KPNA6: variants seen among roughly 807,000 people sequenced by gnomAD.
KPNA6 encodes the protein karyopherin subunit alpha 6.
KPNA6 carries 9 observed loss-of-function variants against 72.0 expected under a neutral mutation model. The observed-to-expected ratio is 0.13, with a 90% confidence interval of 0.08 to 0.22. The LOEUF is 0.22. Ranked by LOEUF, KPNA6 falls within the 10% of genes least tolerant of loss-of-function variation. KPNA6 has a pLI of 1.00. For synonymous variants in KPNA6, 219 were observed against 242.1 expected (o/e 0.90, Z 0.89); for missense variants, 374 against 655.7 (o/e 0.57, Z 4.69).
At position 32,170,987 on chromosome 1, in the gene KPNA6, C is replaced by T; in HGVS notation, c.*93C>T. On this transcript the variant is annotated 3_prime_UTR_variant, in exon 14 of 14. Transcript: ENST00000373625. ...GGCGGGAAACCAGTGTCCCCACCAT[C>T]AGCCACCACACACCTCTGCTGCCCT... is the stretch of plus-strand genomic sequence containing the variant. The T allele has an allele frequency of 9.1e-7, 1 of 1,094,604 alleles. No individual in the cohort carries two copies. The highest frequency in any genetic ancestry group is 1.4e-6 in the Non-Finnish European group (1 of 735,920). The allele number at this position is 1,094,604 out of a possible 1,614,324, so 67.8% of individuals were successfully genotyped here. A position where few individuals can be genotyped will look rare whatever the true frequency, so the allele number is the denominator to read the frequency against.
Position 32,161,353 on chromosome 1 carries a change from C to T in KPNA6, c.648-594C>T, listed in dbSNP as rs185091548. Among the ~76,000 whole-genome samples the T allele has an allele frequency of 9.7e-4, 148 of 152,274 alleles. 1 individual carries two copies. The highest frequency in any genetic ancestry group is 3.3e-3 in the African/African-American group (138 of 41,556). On this transcript the variant is annotated intron_variant, in intron 7 of 13. Coordinates refer to ENST00000373625, the MANE Select transcript of KPNA6 (RefSeq NM_012316.5). ...GTTATGGGGTTTTGCATACATACATCGGACAGCTCTGTCGTAAATTATAGA... is the reference window on the plus strand; with the variant it reads ...GTTATGGGGTTTTGCATACATACATTGGACAGCTCTGTCGTAAATTATAGA...
intron 1 of KPNA6, among the ~76,000 whole-genome samples, chr1:32,148,260 A>G (rs973886014): frequency 6.6e-6 from 1 of 150,676 alleles, no homozygotes; most frequent in Non-Finnish European, 1.5e-5. Flanking sequence ...GCGTTCCACC[A>G]TGCCTGGCTA....
At chr1:32,157,500 T>C in intron 4 of KPNA6, 55 bp downstream of exon 4, 1 of 1,268,364 alleles carries the variant, frequency 7.9e-7, no homozygotes, top group South Asian at 1.2e-5. Flanking sequence ...CTCTTTTCTC[T>C]TCACTGATGT....
intron 1 of KPNA6, among the ~76,000 whole-genome samples, chr1:32,124,449 G>A (rs1324881833): frequency 6.6e-6 from 1 of 151,766 alleles, no homozygotes; most frequent in African/African-American, 2.4e-5. Flanking sequence ...GCCAAGGCGG[G>A]AGGATTGCTT....
intron 1 of KPNA6, among the ~76,000 whole-genome samples, chr1:32,143,473 T>C (rs1641875361): frequency 6.7e-6 from 1 of 149,930 alleles, no homozygotes; most frequent in Admixed American, 6.7e-5. Flanking sequence ...TAATCCCCAC[T>C]ACTTGAGGAG....
intron 1 of KPNA6, among the ~76,000 whole-genome samples, chr1:32,142,331 A>G (rs891629879): frequency 6.6e-6 from 1 of 150,756 alleles, no homozygotes; most frequent in African/African-American, 2.4e-5. Flanking sequence ...TGGCTTCTAT[A>G]TAGCTGTCTT....
chr1:32,116,666 T>C (rs1641334426), intron 1 of KPNA6, among the ~76,000 whole-genome samples: 1 of 152,062 alleles, frequency 6.6e-6, no homozygotes, highest in Admixed American at 6.6e-5. Flanking sequence ...AAAAGAACTT[T>C]TCCTTTGCAT....
At chr1:32,135,773 G>A (rs1641723897) in intron 1 of KPNA6, among the ~76,000 whole-genome samples, 1 of 150,760 alleles carries the variant, frequency 6.6e-6, no homozygotes, top group East Asian at 1.9e-4. Context: ...TGGCCATAGA[G>A]TTATGGGGTT....
chr1:32,112,063 T>G (rs970311743), intron 1 of KPNA6, among the ~76,000 whole-genome samples: 3 of 152,236 alleles, frequency 2.0e-5, no homozygotes, highest in African/African-American at 7.2e-5. Flanking sequence ...AGTGATTGAT[T>G]TAGGCATGGG....
At chr1:32,121,620 A>C (rs1472682963) in intron 1 of KPNA6, among the ~76,000 whole-genome samples, 1 of 152,204 alleles carries the variant, frequency 6.6e-6, no homozygotes, top group Non-Finnish European at 1.5e-5. Flanking sequence ...GATGTGCAGA[A>C]AGGAAGGAAA....
intron 1 of KPNA6, among the ~76,000 whole-genome samples, chr1:32,130,754 C>T (rs1220773570): frequency 6.6e-6 from 1 of 150,978 alleles, no homozygotes; most frequent in East Asian, 1.9e-4. Context: ...CAGAGTGAGA[C>T]TCTATCTCAA....
At chr1:32,134,088 C>CA (rs1641691674) in intron 1 of KPNA6, among the ~76,000 whole-genome samples, 1 of 150,806 alleles carries the variant, frequency 6.6e-6, no homozygotes, top group African/African-American at 2.4e-5. Context: ...ACTAAAAATA[C>CA]AAAATTTTTT....
Position 32,119,017 on chromosome 1 carries a change from TATA to T in KPNA6, c.4+10884_4+10886del, listed in dbSNP as rs1164755312. ...GTATACATATATATATATATATATATATATATATATATATATTTTTTTTTTTTT... is the reference window on the plus strand; with the variant it reads ...GTATACATATATATATATATATATATTATATATATATATTTTTTTTTTTTT... On this transcript the variant is annotated intron_variant, in intron 1 of 13. Coordinates refer to ENST00000373625, the MANE Select transcript of KPNA6 (RefSeq NM_012316.5). 1.0e-2 allele frequency among the ~76,000 whole-genome samples: 770 copies of T among 77,012 alleles called. 14 individuals carry two copies. The highest frequency in any genetic ancestry group is 0.018 in the South Asian group (33 of 1,860). The allele number at this position is 77,012 out of a possible 152,430, so 50.5% of individuals were successfully genotyped here. A position where few individuals can be genotyped will look rare whatever the true frequency, so the allele number is the denominator to read the frequency against.
chr1:32,155,110 C>CAAAAA (rs144040035), intron 2 of KPNA6, among the ~76,000 whole-genome samples: 366 of 54,112 alleles, frequency 6.8e-3, no homozygotes, highest in Middle Eastern at 0.018. Flanking sequence ...AACTCCATCT[C>CAAAAA]AAAAAAAAAA....
chr1:32,114,616 C>A (rs1451686524), intron 1 of KPNA6, among the ~76,000 whole-genome samples: 1 of 151,982 alleles, frequency 6.6e-6, no homozygotes, highest in Non-Finnish European at 1.5e-5. Flanking sequence ...ACTTAAAGGC[C>A]CCAGCTGCAT....
intron 1 of KPNA6, among the ~76,000 whole-genome samples, chr1:32,128,621 G>A (rs1043329397): frequency 4.0e-5 from 6 of 151,598 alleles, no homozygotes; most frequent in Non-Finnish European, 7.4e-5. Flanking sequence ...CAGAATATGA[G>A]CAGCCTTATT....
At chr1:32,148,332 C>T (rs2124039508) in intron 1 of KPNA6, among the ~76,000 whole-genome samples, 1 of 151,708 alleles carries the variant, frequency 6.6e-6, no homozygotes, top group South Asian at 2.1e-4. Context: ...AGTATAGACA[C>T]AGGGTTTCAC....
At chr1:32,119,012 ATATATATATATATATATATATTTT>A (rs1362443423) in intron 1 of KPNA6, among the ~76,000 whole-genome samples, 15 of 65,276 alleles carry the variant, frequency 2.3e-4, no homozygotes, top group Non-Finnish European at 3.4e-4. Flanking sequence ...ATATATATAT[ATATATATATATATATATATATTTT>A]TTTTTTTTTT....
At chr1:32,114,375 A>G (rs931006681) in intron 1 of KPNA6, among the ~76,000 whole-genome samples, 3 of 151,148 alleles carry the variant, frequency 2.0e-5, no homozygotes, top group Non-Finnish European at 4.4e-5. Flanking sequence ...TGGGAGGTGG[A>G]GGTTGCAGTG....
Sources: gnomAD v4.1 joint callset for allele counts (sites outside exome capture counted in the v4.1 genomes callset) on GRCh38, gnomAD v4.1.1 for gene constraint, MANE v1.5 for transcripts, NCBI Gene and HGNC (gene_info 2026-07-23, HGNC 2026-07-21) for gene names.